SGCD: variants seen among roughly 807,000 people sequenced by gnomAD.
The protein encoded by SGCD is delta-sarcoglycan.
In SGCD, 18 loss-of-function variants were observed where a neutral mutation model predicts 36.6. The observed-to-expected ratio is 0.49, with a 90% CI of 0.34 to 0.73. SGCD has a LOEUF of 0.73. Ranked by LOEUF, SGCD falls within the 30% of genes least tolerant of loss-of-function variation. SGCD has a pLI of 0.01. For synonymous variants in SGCD, 133 were observed against 130.6 expected (o/e 1.02, Z -0.12); for missense variants, 387 against 346.7 (o/e 1.12, Z -0.92).
intron 1 of SGCD, among the ~76,000 whole-genome samples, chr5:155,926,563 C>G (rs1757000859): frequency 6.6e-6 from 1 of 152,058 alleles, no homozygotes; most frequent in Admixed American, 6.5e-5. Context: ...TAAAGATATC[C>G]TATAGTCCAA....
rs1158238435 is a variant in SGCD at position 156,761,740 on chromosome 5, C to T, written c.*2350C>T. On this transcript the variant is annotated 3_prime_UTR_variant, in exon 9 of 9. Transcript: ENST00000337851. The stretch of plus-strand genomic sequence containing the variant: ...TGCTTAGATTTTGTTCTAATCACCA[C>T]GTGAAGGAATGAGATTAGCACCACA... 6.6e-6 allele frequency: 1 copy of T among 152,112 alleles called. No individual in the cohort carries two copies. The highest frequency in any genetic ancestry group is 1.5e-5 in the Non-Finnish European group (1 of 68,030). 9.4% of individuals were successfully genotyped at this position (152,112 alleles called of 1,614,324 possible). A position where few individuals can be genotyped will look rare whatever the true frequency, so the allele number is the denominator to read the frequency against.
intron 1 of SGCD, among the ~76,000 whole-genome samples, chr5:156,093,934 C>T (rs1761311269): frequency 6.6e-6 from 1 of 152,176 alleles, no homozygotes; most frequent in Admixed American, 6.5e-5. Context: ...TAATGTCTGG[C>T]AGGCTGCTTG....
At chr5:155,880,773 G>C (rs1006776058) in intron 1 of SGCD, among the ~76,000 whole-genome samples, 1 of 152,024 alleles carries the variant, frequency 6.6e-6, no homozygotes, top group Non-Finnish European at 1.5e-5. Flanking sequence ...GGAAGTTTTA[G>C]ATATATTATT....
intron 1 of SGCD, among the ~76,000 whole-genome samples, chr5:156,096,136 C>T (rs1761370267): frequency 6.6e-6 from 1 of 152,226 alleles, no homozygotes; most frequent in African/African-American, 2.4e-5. Context: ...GCTATGAGGT[C>T]AGCTAGCCAC....
chr5:156,464,666 G>C (rs990971612), intron 3 of SGCD, among the ~76,000 whole-genome samples: 2 of 152,108 alleles, frequency 1.3e-5, no homozygotes, highest in African/African-American at 4.8e-5. Context: ...TTGATTCACC[G>C]AATCCCACTT....
chr5:155,992,823 C>T (rs535447653), intron 1 of SGCD, among the ~76,000 whole-genome samples: 1 of 152,088 alleles, frequency 6.6e-6, no homozygotes, highest in Non-Finnish European at 1.5e-5. Context: ...ATTAATTATG[C>T]CTTTTTATTT....
intron 3 of SGCD, among the ~76,000 whole-genome samples, chr5:156,185,379 A>T (rs13182225): frequency 0.65 from 98,093 of 151,290 alleles, 31,930 homozygotes; most frequent in African/African-American, 0.69. Flanking sequence ...CATGCCCGGC[A>T]AATTTTTTGT....
the SGCD span, among the ~76,000 whole-genome samples, chr5:155,829,630 A>G: frequency 2.1e-4 from 32 of 152,354 alleles, 1 homozygote; most frequent in African/African-American, 7.2e-4. Flanking sequence ...GGTTTTTGTA[A>G]GATAACTCAT....
chr5:156,274,053 C>T (rs1486637270), intron 3 of SGCD, among the ~76,000 whole-genome samples: 3 of 152,048 alleles, frequency 2.0e-5, no homozygotes, highest in Admixed American at 6.6e-5. Context: ...GTACTGACCT[C>T]TGTGTGGGGA....
At chr5:155,779,979 G>A in the SGCD span, among the ~76,000 whole-genome samples, 1 of 151,956 alleles carries the variant, frequency 6.6e-6, no homozygotes, top group Non-Finnish European at 1.5e-5. Context: ...AAACTTTGGG[G>A]CAATTTTTAA....
At chr5:156,043,218 A>G (rs571452198) in intron 1 of SGCD, among the ~76,000 whole-genome samples, 1 of 152,312 alleles carries the variant, frequency 6.6e-6, no homozygotes, top group Admixed American at 6.5e-5. Flanking sequence ...GAAGCTTCCC[A>G]TGTTGCTAAA....
At chr5:155,823,068 A>C in the SGCD span, among the ~76,000 whole-genome samples, 845 of 93,624 alleles carry the variant, frequency 9.0e-3, 6 homozygotes, top group African/African-American at 0.021. Flanking sequence ...CTCTATATCT[A>C]TCTATCTATC....
intron 4 of SGCD, among the ~76,000 whole-genome samples, chr5:156,526,641 C>T (rs1757654188): frequency 6.6e-6 from 1 of 152,184 alleles, no homozygotes; most frequent in African/African-American, 2.4e-5. Context: ...GAAGGGTCAT[C>T]TATAAGCCCA....
chr5:156,637,913 G>T, intron 6 of SGCD, among the ~76,000 whole-genome samples: 1 of 151,734 alleles, frequency 6.6e-6, no homozygotes, highest in Non-Finnish European at 1.5e-5. Context: ...ATTTCTACTT[G>T]CTGGTTCTTA....
At chr5:156,513,898 G>C (rs1005092587) in intron 4 of SGCD, among the ~76,000 whole-genome samples, 9 of 152,176 alleles carry the variant, frequency 5.9e-5, no homozygotes, top group African/African-American at 1.9e-4. Flanking sequence ...GTCCAGAAAA[G>C]AGATTGAGAA....
chr5:155,926,390 A>G (rs953769161), intron 1 of SGCD, among the ~76,000 whole-genome samples: 3 of 152,208 alleles, frequency 2.0e-5, no homozygotes, highest in Admixed American at 2.0e-4. Flanking sequence ...CTTGAAATAC[A>G]GCAAAGATTG....
intron 3 of SGCD, among the ~76,000 whole-genome samples, chr5:156,274,038 G>A (rs144037802): frequency 4.9e-4 from 74 of 152,134 alleles, no homozygotes; most frequent in African/African-American, 1.8e-3. Flanking sequence ...CATCCCCAGG[G>A]GGCTGTACTG....
At chr5:156,214,962 T>A (rs1284422115) in intron 3 of SGCD, among the ~76,000 whole-genome samples, 2 of 151,982 alleles carry the variant, frequency 1.3e-5, no homozygotes, top group East Asian at 3.8e-4. Flanking sequence ...TGTATTAAAG[T>A]CTTAAATGTA....
intron 7 of SGCD, among the ~76,000 whole-genome samples, chr5:156,701,732 C>T (rs774106987): frequency 1.3e-5 from 2 of 152,062 alleles, no homozygotes; most frequent in South Asian, 2.1e-4. Context: ...TGATAATATG[C>T]GCAGACCTCA....
Sources: allele counts gnomAD v4.1 joint callset (sites outside exome capture counted in the v4.1 genomes callset), GRCh38; gene constraint gnomAD v4.1.1; transcripts MANE v1.5; gene names NCBI Gene and HGNC (gene_info 2026-07-23, HGNC 2026-07-21).